The following NCKAP5 variants were observed in gnomAD, a reference collection of about 807,000 sequenced individuals.
NCKAP5 encodes the protein nck-associated protein 5.
Under a neutral mutation model 167.0 loss-of-function variants are expected in NCKAP5, and 92 were observed. The ratio of observed to expected loss-of-function variants is 0.55; its 90% CI spans 0.47 to 0.66. NCKAP5 has a LOEUF of 0.66. Ranked by LOEUF, NCKAP5 falls within the 30% of genes least tolerant of loss-of-function variation. NCKAP5 has a pLI of 0.00. For missense variants in NCKAP5, 2,378 were observed against 2,315.0 expected, an observed-to-expected ratio of 1.03 and a Z score of -0.56; for synonymous variants, 891 against 877.4, an observed-to-expected ratio of 1.02 and a Z score of -0.27.
At chr2:133,444,330 A>G (rs562316819) in intron 3 of NCKAP5, among the ~76,000 whole-genome samples, 86 of 152,218 alleles carry the variant, frequency 5.6e-4, no homozygotes, top group Non-Finnish European at 1.1e-3. Flanking sequence ...CCAAATGGCA[A>G]ATAGCTTTTA....
intron 6 of NCKAP5, among the ~76,000 whole-genome samples, chr2:133,090,336 T>C (rs578164418): frequency 6.6e-6 from 1 of 152,100 alleles, no homozygotes; most frequent in Non-Finnish European, 1.5e-5. Flanking sequence ...ACGACAAGCA[T>C]TCTTATAAGA....
At chr2:132,995,756 C>T (rs1019050570) in intron 6 of NCKAP5, among the ~76,000 whole-genome samples, 1 of 152,086 alleles carries the variant, frequency 6.6e-6, no homozygotes, top group Non-Finnish European at 1.5e-5. Flanking sequence ...GAGTGGATCA[C>T]CTGAGGTCAT....
rs1687926163 is a variant in NCKAP5 at position 132,701,951 on chromosome 2, A to G, written c.5713+23676T>C. ...AAAGTTATAGGAATGAAGAATCCAT[A>G]ATGACAAAAGACACAAGGATGACTG... On this transcript the variant is annotated intron_variant, in intron 19 of 19. Transcript: ENST00000409261. Among the ~76,000 whole-genome samples, 2 of 152,324 alleles carry G rather than the reference A, an allele frequency of 1.3e-5. 1 individual carries two copies. Among genetic ancestry groups the G allele is most frequent in the South Asian group, 4.1e-4 (2 of 4,822 alleles).
the NCKAP5 span, among the ~76,000 whole-genome samples, chr2:133,603,666 G>A: frequency 6.6e-6 from 1 of 152,170 alleles, no homozygotes; most frequent in African/African-American, 2.4e-5. Context: ...AGCCTCCCCA[G>A]TAGCTGGGAT....
chr2:133,229,161 AG>A (rs2087026988), intron 4 of NCKAP5, among the ~76,000 whole-genome samples: 1 of 152,252 alleles, frequency 6.6e-6, no homozygotes, highest in Non-Finnish European at 1.5e-5. Context: ...GGCAAACAAC[AG>A]GAAATGTTTT....
At position 132,701,711 on chromosome 2, in the gene NCKAP5, T is replaced by C. The variant is rs148581330; in HGVS notation, c.5713+23916A>G. Among the ~76,000 whole-genome samples, 571 of 152,290 alleles carry C rather than the reference T, an allele frequency of 3.7e-3. 1 individual carries two copies. The highest frequency in any genetic ancestry group is 0.013 in the African/African-American group (552 of 41,568). ...CATGGGGATTAAGATGAGGTTTTAG[T>C]TCTCAAGGAGCTGATACAGGAAAAG... On this transcript the variant is annotated intron_variant, in intron 19 of 19. Transcript: ENST00000409261.
rs530592194 is a variant in NCKAP5, at chr2:132,892,206, C to T, written c.580-13290G>A. Among the ~76,000 whole-genome samples, 3 of 152,278 alleles carry T rather than the reference C, an allele frequency of 2.0e-5. No individual in the cohort carries two copies. The South Asian group carries it at 6.2e-4, about 32-fold the overall frequency. ...AGCGTCAGGTCCTGATTCTTTTAAC[C>T]CACAGTCTTCCTCTCTCACCCTTTC... is the stretch of plus-strand genomic sequence containing the variant. On this transcript the variant is annotated intron_variant, in intron 8 of 19. Transcript: ENST00000409261.
chr2:133,303,169 A>T, intron 3 of NCKAP5, 59 bp from the exon 4 acceptor site: 2 of 1,174,146 alleles, frequency 1.7e-6, no homozygotes, highest in East Asian at 2.5e-5. Context: ...CCATCCTAAG[A>T]CCCTGACCTT....
chr2:133,342,449 C>T (rs1249389612), intron 3 of NCKAP5, among the ~76,000 whole-genome samples: 13 of 152,126 alleles, frequency 8.5e-5, no homozygotes, highest in Admixed American at 8.5e-4. Context: ...AAGGCTACTC[C>T]CAACTCCTCC....
chr2:133,183,707 A>G (rs1226130534), intron 5 of NCKAP5, among the ~76,000 whole-genome samples: 2 of 152,312 alleles, frequency 1.3e-5, no homozygotes, highest in East Asian at 1.9e-4. Flanking sequence ...ATTTTGTTCA[A>G]CATAATGCTG....
chr2:133,518,646 G>A (rs778494536), intron 2 of NCKAP5, among the ~76,000 whole-genome samples: 63 of 152,064 alleles, frequency 4.1e-4, no homozygotes, highest in African/African-American at 8.2e-4. Flanking sequence ...GAGCCACCGC[G>A]CCTGGCCCAG....
intron 2 of NCKAP5, among the ~76,000 whole-genome samples, chr2:133,553,249 G>A (rs1409948809): frequency 6.6e-6 from 1 of 152,230 alleles, no homozygotes; most frequent in Non-Finnish European, 1.5e-5. Context: ...AGCACAGGCA[G>A]TAAATCGCAC....
At chr2:133,163,042 TG>T (rs920008125) in intron 5 of NCKAP5, among the ~76,000 whole-genome samples, 12 of 152,062 alleles carry the variant, frequency 7.9e-5, no homozygotes, top group Admixed American at 7.9e-4. Flanking sequence ...TGTCAGCAAA[TG>T]GGGGAAACGT....
At position 132,782,833 on chromosome 2, in the gene NCKAP5, G is replaced by A; in HGVS notation, c.3978C>T (p.Ala1326=). 1 of 1,613,910 alleles carries A rather than the reference G, an allele frequency of 6.2e-7. No homozygotes were observed. Among genetic ancestry groups the A allele is most frequent in the South Asian group, 1.1e-5 (1 of 91,062 alleles). The change falls in exon 14 of 20, where the codon GCC becomes GCT. Residue 1326 remains alanine, a synonymous_variant. Transcript: ENST00000409261. The part of the protein sequence containing the change: ...NSSTESSPNK[A]PSAPMLESLP... ...GACTCTCCAACATGGGAGCAGAAGG[G>A]GCCTTGTTGGGAGAGCTTTCCGTGG...
chr2:133,240,164 T>C (rs1215459332), intron 4 of NCKAP5, among the ~76,000 whole-genome samples: 1 of 152,128 alleles, frequency 6.6e-6, no homozygotes, highest in African/African-American at 2.4e-5. Flanking sequence ...GAATACCTAC[T>C]CTCCTAAAGG....
chr2:132,868,248 C>T (rs936031689), intron 10 of NCKAP5, among the ~76,000 whole-genome samples: 20 of 151,974 alleles, frequency 1.3e-4, no homozygotes, highest in African/African-American at 4.6e-4. Context: ...ACTTCATGGC[C>T]GGAGATGGTA....
At chr2:133,039,087 G>A (rs2079129945) in intron 6 of NCKAP5, among the ~76,000 whole-genome samples, 1 of 152,176 alleles carries the variant, frequency 6.6e-6, no homozygotes, top group Non-Finnish European at 1.5e-5. Flanking sequence ...TGGCTCTGGA[G>A]GAGAAGGTTT....
chr2:132,764,432 C>A (rs1681274911), intron 16 of NCKAP5, among the ~76,000 whole-genome samples: 1 of 152,184 alleles, frequency 6.6e-6, no homozygotes, highest in Non-Finnish European at 1.5e-5. Context: ...GAGTTTATCA[C>A]TTATAGTTAG....
intron 8 of NCKAP5, among the ~76,000 whole-genome samples, chr2:132,959,058 TATAAATATATTAATAATATATTA>T (rs2076428119): frequency 6.8e-6 from 1 of 147,086 alleles, no homozygotes; most frequent in Admixed American, 6.8e-5. Flanking sequence ...ATTATTTATA[TATAAATATATTAATAATATATTA>T]ATAAATATAT....
Sources: gnomAD v4.1 joint callset for allele counts (sites outside exome capture counted in the v4.1 genomes callset) on GRCh38, gnomAD v4.1.1 for gene constraint, MANE v1.5 for transcripts, NCBI Gene and HGNC (gene_info 2026-07-23, HGNC 2026-07-21) for gene names.